Variants in SRRM3 observed in about 807,000 individuals in gnomAD.
The protein encoded by SRRM3 is serine/arginine repetitive matrix 3.
A neutral mutation model predicts 66.2 loss-of-function variants in SRRM3; 27 were observed. The observed-to-expected ratio is 0.41, with a 90% CI of 0.30 to 0.56. The LOEUF (loss-of-function observed/expected upper bound fraction) is 0.56. Ranked by LOEUF, SRRM3 falls within the 20% of genes least tolerant of loss-of-function variation. The probability of loss-of-function intolerance (pLI) is 0.32; values close to 1 mark genes in which losing one functional copy is unlikely to be tolerated. For missense variants in SRRM3, 918 were observed against 991.9 expected (o/e 0.93, Z 1.00); for synonymous variants, 391 against 414.9 (o/e 0.94, Z 0.70).
At chr7:76,246,892 T>C (rs1217256192) in intron 2 of SRRM3, among the ~76,000 whole-genome samples, 2 of 152,238 alleles carry the variant, frequency 1.3e-5, no homozygotes, top group Non-Finnish European at 2.9e-5. Context: ...ATTTCCCAGC[T>C]CTATGAGGTT....
chr7:76,285,500 G>T lies in SRRM3; in HGVS notation c.1734-115G>T, dbSNP rs1313787172. The T allele has an allele frequency of 2.7e-6, 2 of 750,912 alleles. No homozygotes were observed. Among genetic ancestry groups the T allele is most frequent in the African/African-American group, 3.6e-5 (2 of 56,334 alleles). 46.5% of individuals were successfully genotyped at this position (750,912 alleles called of 1,614,324 possible). On this transcript the variant is annotated intron_variant, in intron 14 of 14. Coordinates refer to ENST00000611745, the MANE Select transcript of SRRM3 (RefSeq NM_001110199.3). This position sits in a 1 kb window ranked among gnomAD's most constrained non-coding sequence, Gnocchi z 4.1. Reference sequence around the variant, plus strand: ...TGACCGTCAGATTCCATTTGGAGAAGGCAGGTGTCTCTAAGGCCAGGGCTC... The same window carrying T: ...TGACCGTCAGATTCCATTTGGAGAATGCAGGTGTCTCTAAGGCCAGGGCTC...
chr7:76,241,558 C>T (rs1202500139), intron 2 of SRRM3, among the ~76,000 whole-genome samples: 1 of 152,182 alleles, frequency 6.6e-6, no homozygotes, highest in Non-Finnish European at 1.5e-5. Flanking sequence ...GGCTGGAGTG[C>T]AATGGCGCAA....
chr7:76,251,476 G>A (rs1188903863), intron 3 of SRRM3, among the ~76,000 whole-genome samples: 3 of 151,750 alleles, frequency 2.0e-5, no homozygotes, highest in East Asian at 1.9e-4. Context: ...CCGGGTTCAC[G>A]CCATTCTCCT....
At chr7:76,241,029 C>T (rs1801282557) in intron 2 of SRRM3, among the ~76,000 whole-genome samples, 1 of 152,132 alleles carries the variant, frequency 6.6e-6, no homozygotes, top group Admixed American at 6.6e-5. Context: ...TGCCAAGTAG[C>T]TGGGATTACA....
In SRRM3 at chr7:76,260,920, C is replaced by T. The variant is rs782701256; in HGVS notation, c.575+17C>T. The T allele has an allele frequency of 6.4e-7, 1 of 1,557,758 alleles. No homozygotes were observed. The highest frequency in any genetic ancestry group is 1.2e-5 in the South Asian group (1 of 84,406). On this transcript the variant is annotated intron_variant, in intron 6 of 14. Coordinates refer to ENST00000611745, the MANE Select transcript of SRRM3 (RefSeq NM_001110199.3). ...CGAATGCAGGTCAGTGGGGACAGAGCTGGCTGGGGCCAGGGCGGGGGATGT... is the reference window on the plus strand; with the variant it reads ...CGAATGCAGGTCAGTGGGGACAGAGTTGGCTGGGGCCAGGGCGGGGGATGT...
rs144496561 is a variant in SRRM3 at position 76,208,226 on chromosome 7, G to A, written c.-40+6159G>A. Among the ~76,000 whole-genome samples the A allele has an allele frequency of 1.3e-3, 203 of 152,248 alleles. 8 individuals carry two copies. In the South Asian group the frequency reaches 0.038, roughly 28 times the overall value. On this transcript the variant is annotated intron_variant, in intron 1 of 14. Transcript: ENST00000611745. The stretch of plus-strand genomic sequence containing the variant: ...GGATCCAACAAGACCCCAGAAGAAA[G>A]CACCCAGAACTGGAATCTGGTGGCT...
chr7:76,275,692 G>A (rs1554611033), intron 11 of SRRM3, among the ~76,000 whole-genome samples: 1 of 151,998 alleles, frequency 6.6e-6, no homozygotes, highest in Non-Finnish European at 1.5e-5. Context: ...GTGTTTACCT[G>A]TTCTTGTCCT....
At chr7:76,231,563 C>T (rs1257221994) in intron 1 of SRRM3, among the ~76,000 whole-genome samples, 2 of 152,328 alleles carry the variant, frequency 1.3e-5, no homozygotes, top group Non-Finnish European at 2.9e-5. Flanking sequence ...GGCTCTCACC[C>T]GCGCCTTCGC....
At chr7:76,226,726 G>A (rs1554603767) in intron 1 of SRRM3, among the ~76,000 whole-genome samples, 1 of 152,158 alleles carries the variant, frequency 6.6e-6, no homozygotes, top group Non-Finnish European at 1.5e-5. Context: ...AAGTAGCTGG[G>A]ATTACAGGCA....
rs181480573 is a variant in SRRM3, at chr7:76,285,870, C to T, written c.*27C>T. On this transcript the variant is annotated 3_prime_UTR_variant, in exon 15 of 15. Coordinates refer to ENST00000611745, the MANE Select transcript of SRRM3 (RefSeq NM_001110199.3). This position sits in a 1 kb window ranked among gnomAD's most constrained non-coding sequence, Gnocchi z 4.1. ...CCCAGACAGACTCAGCTTGGTGCCC[C>T]CCTGGCACTGGGAGAGGCGAGGGGC... 7,625 of 1,533,750 alleles carry T rather than the reference C, an allele frequency of 5.0e-3. 25 individuals carry two copies. The highest frequency in any genetic ancestry group is 6.0e-3 in the Non-Finnish European group (6,812 of 1,135,788).
intron 1 of SRRM3, among the ~76,000 whole-genome samples, chr7:76,215,278 A>G (rs1053563273): frequency 6.6e-6 from 1 of 151,978 alleles, no homozygotes; most frequent in Admixed American, 6.6e-5. Flanking sequence ...GAAGAGAGAA[A>G]AAAAAAGCCA....
chr7:76,251,062 C>T (rs76247219), intron 3 of SRRM3, among the ~76,000 whole-genome samples: 11,037 of 152,250 alleles, frequency 0.072, 959 homozygotes, highest in African/African-American at 0.2. Flanking sequence ...GAAACAGGAC[C>T]ATTTAATTGG....
Position 76,267,431 on chromosome 7 carries a change from C to A in SRRM3, c.1004C>A (p.Pro335His). 7.3e-7 allele frequency: 1 copy of A among 1,361,806 alleles called. No homozygotes were observed. The highest frequency in any genetic ancestry group is 9.4e-7 in the Non-Finnish European group (1 of 1,062,708). The allele number at this position is 1,361,806 out of a possible 1,614,324, so 84.4% of individuals were successfully genotyped here. ...GGRPGSAHSP[P>H]DKPSSPSPRV... ...CGCCCCGGCTCGGCGCACAGCCCGC[C>A]CGATGTACGTACGCTTCGCTTTGCG... The change falls in exon 11 of 15, where the codon CCC becomes CAC. Residue 335 changes from proline (P) to histidine (H), a missense_variant. By Grantham distance (77) the Pro-to-His change is moderately conservative (BLOSUM62 -2). Coordinates refer to ENST00000611745, the MANE Select transcript of SRRM3 (RefSeq NM_001110199.3).
intron 3 of SRRM3, among the ~76,000 whole-genome samples, chr7:76,254,175 T>C (rs1479003672): frequency 6.6e-6 from 1 of 151,840 alleles, no homozygotes; most frequent in African/African-American, 2.4e-5. Flanking sequence ...TCTACATGTT[T>C]TTTGTTTTTT....
intron 2 of SRRM3, among the ~76,000 whole-genome samples, chr7:76,241,116 C>T (rs1168313593): frequency 6.6e-6 from 1 of 152,136 alleles, no homozygotes; most frequent in Non-Finnish European, 1.5e-5. Flanking sequence ...AGGCTGGTCT[C>T]AAACTCCTGA....
At chr7:76,248,342 C>A in intron 3 of SRRM3, 53 bp downstream of exon 3, 1 of 1,403,354 alleles carries the variant, frequency 7.1e-7, no homozygotes, top group Non-Finnish European at 1.0e-6. Context: ...GCTCAGGCAG[C>A]AGCTGGGTAC....
In SRRM3 at chr7:76,229,456, A is replaced by G. The variant is rs115877211; in HGVS notation, c.-39-5572A>G. ...CCAGGTTTGACCTAAATCCTCTACA[A>G]TCCTTCATATATTTGAAGCTAGGCA... is the stretch of plus-strand genomic sequence containing the variant. On this transcript the variant is annotated intron_variant, in intron 1 of 14. Coordinates refer to ENST00000611745, the MANE Select transcript of SRRM3 (RefSeq NM_001110199.3). Among the ~76,000 whole-genome samples the G allele has an allele frequency of 7.9e-3, 1,196 of 152,232 alleles. 14 individuals are homozygous for G. Among genetic ancestry groups the G allele is most frequent in the African/African-American group, 0.027 (1,130 of 41,552 alleles).
At chr7:76,258,814 T>C (rs1203293672) in intron 3 of SRRM3, among the ~76,000 whole-genome samples, 5 of 151,136 alleles carry the variant, frequency 3.3e-5, no homozygotes, top group Non-Finnish European at 5.9e-5. Flanking sequence ...CCCAGCACTT[T>C]GGGAGGCCAA....
chr7:76,236,342 C>T (rs1411057262), intron 2 of SRRM3, among the ~76,000 whole-genome samples: 2 of 146,434 alleles, frequency 1.4e-5, no homozygotes, highest in Non-Finnish European at 3.0e-5. Context: ...AAGAAAGAAA[C>T]TAGTGGGCTG....
Sources: gnomAD v4.1 joint callset for allele counts (sites outside exome capture counted in the v4.1 genomes callset) on GRCh38, gnomAD v4.1.1 for gene constraint, Gnocchi (gnomAD v3.1) non-coding constraint, MANE v1.5 for transcripts, NCBI Gene and HGNC (gene_info 2026-07-23, HGNC 2026-07-21) for gene names.